Variants in ST7 observed in about 807,000 individuals in gnomAD.
ST7 encodes the protein suppression of tumorigenicity 7, also known as suppressor of tumorigenicity 7 protein.
A neutral mutation model predicts 78.7 loss-of-function variants in ST7; 28 were observed. The observed-to-expected ratio is 0.36, with a 90% CI of 0.26 to 0.49. ST7 has a LOEUF of 0.49. ST7 is among the 20% of genes least tolerant of loss of function. The pLI is 0.99. For missense variants in ST7, 418 were observed against 696.0 expected, an observed-to-expected ratio of 0.60 and a Z score of 4.49; for synonymous variants, 247 against 249.6, an observed-to-expected ratio of 0.99 and a Z score of 0.10.
intron 1 of ST7, among the ~76,000 whole-genome samples, chr7:117,091,873 T>C (rs1800642810): frequency 6.6e-6 from 1 of 152,146 alleles, no homozygotes; most frequent in South Asian, 2.1e-4. Context: ...CAGGCTGCTA[T>C]CTCAATTGCA....
intron 12 of ST7, chr7:117,191,526 A>G (rs564504695): frequency 6.6e-6 from 1 of 152,252 alleles, no homozygotes; most frequent in African/African-American, 2.4e-5. Context: ...TTTTCCTGAA[A>G]TTGATTTTAA....
At chr7:117,192,018 G>A (rs1328131124) in intron 12 of ST7, among the ~76,000 whole-genome samples, 1 of 152,170 alleles carries the variant, frequency 6.6e-6, no homozygotes, top group Non-Finnish European at 1.5e-5. Context: ...GGAAATTGAA[G>A]AGTGGTTCAC....
At position 117,129,860 on chromosome 7, in the gene ST7, A is replaced by G; in HGVS notation, c.449+13A>G. 6.2e-7 allele frequency: 1 copy of G among 1,606,444 alleles called. No homozygotes were observed. The highest frequency in any genetic ancestry group is 8.5e-7 in the Non-Finnish European group (1 of 1,176,236). On this transcript the variant is annotated intron_variant, in intron 4 of 15. Transcript: ENST00000323984. ...CTGAATACAATCGGTAAGCATTTTG[A>G]CAGCTTGGGAAACAAATGGGTCTGG...
At chr7:117,049,978 A>C (rs1797688556) in intron 1 of ST7, among the ~76,000 whole-genome samples, 1 of 151,640 alleles carries the variant, frequency 6.6e-6, no homozygotes, top group Non-Finnish European at 1.5e-5. Context: ...AGGCCGAGGC[A>C]GGTGGATCAC....
intron 10 of ST7, among the ~76,000 whole-genome samples, chr7:117,183,546 A>G (rs1808963381): frequency 6.6e-6 from 1 of 152,168 alleles, no homozygotes; most frequent in Admixed American, 6.5e-5. Flanking sequence ...GCTACCCAGA[A>G]TGAAACAGAA....
At chr7:117,106,542 A>T (rs191137956) in intron 2 of ST7, among the ~76,000 whole-genome samples, 30 of 151,228 alleles carry the variant, frequency 2.0e-4, no homozygotes, top group Middle Eastern at 3.6e-3. Flanking sequence ...ACCCAATCCC[A>T]ATGTGTAGTC....
chr7:117,060,558 G>A (rs1009096288), intron 1 of ST7, among the ~76,000 whole-genome samples: 2 of 152,048 alleles, frequency 1.3e-5, no homozygotes, highest in Non-Finnish European at 2.9e-5. Context: ...GTGATTTCAA[G>A]GATAATAAAA....
intron 10 of ST7, among the ~76,000 whole-genome samples, chr7:117,182,899 A>G (rs1220589077): frequency 6.6e-6 from 1 of 152,222 alleles, no homozygotes; most frequent in East Asian, 1.9e-4. Context: ...GCTATAGAAG[A>G]GATATGTTAA....
At chr7:117,157,577 C>T (rs1317206530) in intron 9 of ST7, among the ~76,000 whole-genome samples, 1 of 152,204 alleles carries the variant, frequency 6.6e-6, no homozygotes, top group South Asian at 2.1e-4. Flanking sequence ...TATTTGTTAA[C>T]TGTGCCCCAG....
intron 9 of ST7, among the ~76,000 whole-genome samples, chr7:117,148,518 CT>C (rs1198350015): frequency 2.0e-5 from 3 of 152,124 alleles, no homozygotes; most frequent in Non-Finnish European, 4.4e-5. Context: ...AGAATAATTA[CT>C]GCTTTTTTTG....
intron 12 of ST7, among the ~76,000 whole-genome samples, chr7:117,195,629 A>G (rs144277601): frequency 1.1e-3 from 169 of 152,340 alleles, no homozygotes; most frequent in Non-Finnish European, 2.0e-3. Flanking sequence ...AAGCAGAAGA[A>G]TGAGCAAAAG....
At chr7:117,200,407 C>T (rs1160825252) in intron 12 of ST7, among the ~76,000 whole-genome samples, 1 of 152,168 alleles carries the variant, frequency 6.6e-6, no homozygotes, top group Non-Finnish European at 1.5e-5. Flanking sequence ...GAGGGGGCTG[C>T]AGAGCCAGTA....
intron 1 of ST7, 130 bp downstream of exon 1, chr7:116,953,821 G>A: frequency 7.2e-6 from 4 of 557,212 alleles, no homozygotes; most frequent in Non-Finnish European, 9.2e-6. Flanking sequence ...GAGGCCCGCG[G>A]CTACCCGCCA....
intron 1 of ST7, chr7:116,959,046 A>C: frequency 2.5e-6 from 1 of 396,102 alleles, no homozygotes. Context: ...GTCTGATAGC[A>C]TTTTACCCAC....
intron 1 of ST7, among the ~76,000 whole-genome samples, chr7:117,088,837 C>T (rs2116672794): frequency 6.6e-6 from 1 of 152,242 alleles, no homozygotes; most frequent in South Asian, 2.1e-4. Flanking sequence ...ACTCCAGCCA[C>T]CCCATAAGAG....
chr7:116,979,958 C>CTTTTTTTTTTTTTTTTTTTT lies in ST7; in HGVS notation c.151+26284_151+26285insTTTTTTTTTTTTTTTTTTTT, dbSNP rs745530832. On this transcript the variant is annotated intron_variant, in intron 1 of 15. Transcript: ENST00000323984. ...CCTTTTTTCTTTTTCTTTTGTTTCT[C>CTTTTTTTTTTTTTTTTTTTT]TTTTTTTTTTTTTTTTTGGAGACAG... Among the ~76,000 whole-genome samples the CTTTTTTTTTTTTTTTTTTTT allele has an allele frequency of 5.5e-4, 47 of 86,234 alleles. 3 individuals are homozygous for CTTTTTTTTTTTTTTTTTTTT. The highest frequency in any genetic ancestry group is 1.2e-3 in the Admixed American group (6 of 5,112). 56.6% of individuals were successfully genotyped at this position (86,234 alleles called of 152,430 possible).
At chr7:117,167,806 A>T (rs1164828272) in intron 9 of ST7, among the ~76,000 whole-genome samples, 1 of 152,200 alleles carries the variant, frequency 6.6e-6, no homozygotes, top group Non-Finnish European at 1.5e-5. Context: ...AGTGTTTCAA[A>T]GAAAAAGCCA....
At chr7:117,025,503 T>C (rs1796138193) in intron 1 of ST7, among the ~76,000 whole-genome samples, 1 of 152,188 alleles carries the variant, frequency 6.6e-6, no homozygotes, top group African/African-American at 2.4e-5. Flanking sequence ...GATGCTTTCA[T>C]CTTAAAACAA....
chr7:117,095,992 C>T lies in ST7; in HGVS notation c.152-3770C>T, dbSNP rs890639956. Reference sequence around the variant, plus strand: ...CTGATGCAGGGGAATCACTTGAACCCGGGAGGTAGAGGTTGCAGTGAGCCA... The same window carrying T: ...CTGATGCAGGGGAATCACTTGAACCTGGGAGGTAGAGGTTGCAGTGAGCCA... On this transcript the variant is annotated intron_variant, in intron 1 of 15. Coordinates refer to ENST00000323984, the MANE Select transcript of ST7 (RefSeq NM_001369598.1). Among the ~76,000 whole-genome samples, 6 of 140,076 alleles carry T rather than the reference C, an allele frequency of 4.3e-5. No individual in the cohort carries two copies. The East Asian group carries it at 6.5e-4, about 15-fold the overall frequency. The allele number at this position is 140,076 out of a possible 152,430, so 91.9% of individuals were successfully genotyped here.
Sources: gnomAD v4.1 joint callset for allele counts (sites outside exome capture counted in the v4.1 genomes callset) on GRCh38, gnomAD v4.1.1 for gene constraint, MANE v1.5 for transcripts, NCBI Gene and HGNC (gene_info 2026-07-23, HGNC 2026-07-21) for gene names.